The following RPS6KC1 variants were observed in gnomAD, a reference collection of about 807,000 sequenced individuals.
RPS6KC1 encodes inactive ribosomal protein S6 kinase delta-1.
RPS6KC1 carries 54 observed loss-of-function variants against 103.8 expected under a neutral mutation model. The ratio of observed to expected loss-of-function variants is 0.52; its 90% CI spans 0.42 to 0.65. The LOEUF (loss-of-function observed/expected upper bound fraction) is 0.65. Among genes scored for constraint, RPS6KC1 ranks in the 30% least tolerant of loss-of-function variants. RPS6KC1 has a pLI of 0.00. For missense variants in RPS6KC1, 1,151 were observed against 1,253.8 expected (o/e 0.92, Z 1.24); for synonymous variants, 439 against 438.7 (o/e 1.00, Z -0.01).
the RPS6KC1 span, among the ~76,000 whole-genome samples, chr1:213,424,382 A>G: frequency 6.6e-6 from 1 of 152,226 alleles, no homozygotes; most frequent in African/African-American, 2.4e-5. Context: ...ATGAAAAAAA[A>G]GTAGATGGCA....
chr1:213,248,041 TTAAA>T (rs1161070993), intron 12 of RPS6KC1, among the ~76,000 whole-genome samples: 5 of 152,116 alleles, frequency 3.3e-5, no homozygotes, highest in African/African-American at 4.8e-5. Flanking sequence ...ACAAAATTGT[TTAAA>T]TAAGAAAGAA....
chr1:213,060,809 C>A lies in RPS6KC1; in HGVS notation c.105+9300C>A, dbSNP rs1452761820. On this transcript the variant is annotated intron_variant, in intron 1 of 14. Coordinates refer to ENST00000366960, the MANE Select transcript of RPS6KC1 (RefSeq NM_012424.6). ...ATCTAGAGATAACTTGCAGTTTTAG[C>A]TTCTTTACTCTCCCTGAGATTTTGG... Among the ~76,000 whole-genome samples, 4 of 152,118 alleles carry A rather than the reference C, an allele frequency of 2.6e-5. No homozygotes were observed. In the East Asian group the frequency reaches 7.7e-4, roughly 29 times the overall value.
chr1:213,318,787 C>T, the RPS6KC1 span, among the ~76,000 whole-genome samples: 4 of 152,264 alleles, frequency 2.6e-5, no homozygotes, highest in East Asian at 7.7e-4. Flanking sequence ...GACCTGCCCC[C>T]ATGATTCAAT....
chr1:213,129,596 G>T lies in RPS6KC1; in HGVS notation c.542G>T (p.Gly181Val), dbSNP rs746933743. 2 of 1,613,842 alleles carry T rather than the reference G, an allele frequency of 1.2e-6. No individual in the cohort carries two copies. Among genetic ancestry groups the T allele is most frequent in the South Asian group, 1.1e-5 (1 of 91,072 alleles). ...DVDSLAELDD[G>V]MASNQNSPIR... ...GATTCTCTTGCTGAGTTAGATGATG[G>T]AATGGCTTCCAATCAAAATTCTCCC... The change falls in exon 6 of 15, where the codon GGA becomes GTA. Residue 181 changes from glycine to valine, a missense_variant. Physicochemically the swap from Gly to Val is moderately radical, Grantham distance 109 (BLOSUM62 -3). Around this residue, in one of 3 missense-constraint regions of RPS6KC1, gnomAD observed 959 missense variants for 1,006.3 expected, o/e 0.95. Transcript: ENST00000366960.
chr1:213,118,203 A>G (rs1372595702), intron 5 of RPS6KC1, among the ~76,000 whole-genome samples: 1 of 151,836 alleles, frequency 6.6e-6, no homozygotes, highest in Non-Finnish European at 1.5e-5. Context: ...AATCACTTTC[A>G]TTCAAGAATG....
At chr1:213,676,470 G>A in the RPS6KC1 span, among the ~76,000 whole-genome samples, 119 of 152,210 alleles carry the variant, frequency 7.8e-4, 7 homozygotes, top group Non-Finnish European at 2.6e-4. Flanking sequence ...GAGAAGTCCC[G>A]TGTCAGACGG....
chr1:213,204,513 A>G (rs564263990), intron 8 of RPS6KC1, among the ~76,000 whole-genome samples: 2 of 152,280 alleles, frequency 1.3e-5, no homozygotes, highest in East Asian at 3.9e-4. Context: ...GGAATAGACA[A>G]TATAAATACC....
chr1:213,144,957 C>T (rs1558409983), intron 6 of RPS6KC1, among the ~76,000 whole-genome samples: 1 of 152,074 alleles, frequency 6.6e-6, no homozygotes, highest in Admixed American at 6.6e-5. Flanking sequence ...TGCCTGTAAT[C>T]CCACCTACTC....
chr1:213,451,904 G>C, the RPS6KC1 span, among the ~76,000 whole-genome samples: 1 of 152,190 alleles, frequency 6.6e-6, no homozygotes. Context: ...GTAGCCTGGT[G>C]CTCCAGCCTG....
At chr1:213,056,721 A>G (rs2077355746) in intron 1 of RPS6KC1, among the ~76,000 whole-genome samples, 1 of 152,164 alleles carries the variant, frequency 6.6e-6, no homozygotes, top group Non-Finnish European at 1.5e-5. Context: ...TGTAGTTTCC[A>G]AATTAGGTTA....
At chr1:213,234,047 G>A (rs1174349088) in intron 10 of RPS6KC1, among the ~76,000 whole-genome samples, 1 of 149,052 alleles carries the variant, frequency 6.7e-6, no homozygotes, top group African/African-American at 2.5e-5. Context: ...GGGGTAGTTA[G>A]GGTCTTGCTC....
chr1:213,580,746 T>C, the RPS6KC1 span, among the ~76,000 whole-genome samples: 1 of 150,990 alleles, frequency 6.6e-6, no homozygotes, highest in Non-Finnish European at 1.5e-5. Flanking sequence ...TGGTAAAGGC[T>C]GAGATGATTG....
At chr1:213,340,655 A>G in the RPS6KC1 span, among the ~76,000 whole-genome samples, 1 of 152,240 alleles carries the variant, frequency 6.6e-6, no homozygotes, top group African/African-American at 2.4e-5. Context: ...ACACCTAACA[A>G]TGCTTCCTCT....
At chr1:213,168,748 A>G (rs954019387) in intron 7 of RPS6KC1, among the ~76,000 whole-genome samples, 3 of 151,776 alleles carry the variant, frequency 2.0e-5, no homozygotes, top group Non-Finnish European at 4.4e-5. Context: ...TCAGCCTCCC[A>G]AGTAGCTGGG....
chr1:213,771,990 C>T, the RPS6KC1 span, among the ~76,000 whole-genome samples: 2 of 152,226 alleles, frequency 1.3e-5, no homozygotes, highest in East Asian at 1.9e-4. Context: ...GCTCCACGTA[C>T]GCTAATAAAG....
intron 8 of RPS6KC1, among the ~76,000 whole-genome samples, chr1:213,185,671 A>T (rs1023110391): frequency 2.0e-5 from 3 of 152,010 alleles, no homozygotes; most frequent in Admixed American, 6.6e-5. Context: ...AAAAAAATTT[A>T]AATTCAGTAT....
the RPS6KC1 span, among the ~76,000 whole-genome samples, chr1:213,666,930 C>T: frequency 6.6e-6 from 1 of 152,152 alleles, no homozygotes; most frequent in Non-Finnish European, 1.5e-5. Context: ...TCCTTGTTTC[C>T]CAGTTCGTGA....
chr1:213,407,529 G>C, the RPS6KC1 span, among the ~76,000 whole-genome samples: 1 of 152,218 alleles, frequency 6.6e-6, no homozygotes, highest in Admixed American at 6.5e-5. Context: ...GCTTTGACAG[G>C]TATCCAAAAT....
the RPS6KC1 span, among the ~76,000 whole-genome samples, chr1:213,378,046 T>C: frequency 1.3e-5 from 2 of 152,196 alleles, no homozygotes; most frequent in African/African-American, 2.4e-5. Context: ...CCCCAGCTCC[T>C]GTTAGGGCAG....
Sources: allele counts gnomAD v4.1 joint callset (sites outside exome capture counted in the v4.1 genomes callset), GRCh38; gene constraint gnomAD v4.1.1; regional missense constraint gnomAD v4.1.1; transcripts MANE v1.5; gene names NCBI Gene and HGNC (gene_info 2026-07-23, HGNC 2026-07-21).